Variants in NKAIN2 observed in about 807,000 individuals in gnomAD.
NKAIN2 encodes the protein sodium/potassium-transporting ATPase subunit beta-1-interacting protein 2.
In NKAIN2, 14 loss-of-function variants were observed where a neutral mutation model predicts 32.6. The ratio of observed to expected loss-of-function variants is 0.43; its 90% CI spans 0.28 to 0.67. NKAIN2 has a LOEUF of 0.67. NKAIN2 is among the 30% of genes least tolerant of loss of function. The pLI, the probability that NKAIN2 is intolerant of heterozygous loss-of-function variation, is 0.17. For missense variants in NKAIN2, 198 were observed against 258.3 expected (o/e 0.77, Z 1.60); for synonymous variants, 80 against 87.2 (o/e 0.92, Z 0.46).
chr6:124,127,719 G>GT (rs1473779269), intron 1 of NKAIN2, among the ~76,000 whole-genome samples: 1 of 152,176 alleles, frequency 6.6e-6, no homozygotes, highest in African/African-American at 2.4e-5. Flanking sequence ...GGCTGTCCCT[G>GT]TGAGCAGGCT....
chr6:124,126,736 C>T (rs1394572065), intron 1 of NKAIN2, among the ~76,000 whole-genome samples: 1 of 152,150 alleles, frequency 6.6e-6, no homozygotes, highest in Admixed American at 6.5e-5. Context: ...AGTGACATGG[C>T]AACATGGTGA....
At chr6:124,682,436 G>A (rs931475975) in intron 4 of NKAIN2, among the ~76,000 whole-genome samples, 9 of 152,128 alleles carry the variant, frequency 5.9e-5, no homozygotes, top group Non-Finnish European at 7.4e-5. Flanking sequence ...GTTTGAGTAG[G>A]AGCATAAGAT....
intron 3 of NKAIN2, among the ~76,000 whole-genome samples, chr6:124,517,198 G>A (rs1222124235): frequency 6.6e-6 from 1 of 152,152 alleles, no homozygotes; most frequent in Non-Finnish European, 1.5e-5. Context: ...TATTGGTCAT[G>A]AGCGTATATG....
At chr6:124,023,042 A>ATATATG (rs1554241371) in intron 1 of NKAIN2, among the ~76,000 whole-genome samples, 97 of 151,444 alleles carry the variant, frequency 6.4e-4, no homozygotes, top group African/African-American at 2.3e-3. Flanking sequence ...TTATATATAT[A>ATATATG]TATGTATGTA....
intron 1 of NKAIN2, among the ~76,000 whole-genome samples, chr6:123,867,964 G>T (rs1161606550): frequency 6.6e-6 from 1 of 151,352 alleles, no homozygotes; most frequent in East Asian, 1.9e-4. Flanking sequence ...TGCCTCCCAG[G>T]TTCATGCCAT....
intron 1 of NKAIN2, among the ~76,000 whole-genome samples, chr6:124,210,614 T>C (rs1002169661): frequency 6.6e-6 from 1 of 151,908 alleles, no homozygotes; most frequent in Non-Finnish European, 1.5e-5. Flanking sequence ...ATCAATATTT[T>C]ACAGTTTTCA....
intron 3 of NKAIN2, among the ~76,000 whole-genome samples, chr6:124,599,342 G>C (rs948730753): frequency 6.6e-6 from 1 of 152,006 alleles, no homozygotes; most frequent in South Asian, 2.1e-4. Flanking sequence ...GAGATCCTCT[G>C]TTTAAAAAAA....
At chr6:124,615,227 A>G (rs1782841761) in intron 3 of NKAIN2, among the ~76,000 whole-genome samples, 2 of 152,178 alleles carry the variant, frequency 1.3e-5, no homozygotes, top group Non-Finnish European at 2.9e-5. Context: ...TACCATGTGT[A>G]TTTTAGTTAC....
At chr6:124,172,541 T>A (rs995807879) in intron 1 of NKAIN2, among the ~76,000 whole-genome samples, 5 of 152,220 alleles carry the variant, frequency 3.3e-5, no homozygotes, top group African/African-American at 1.2e-4. Flanking sequence ...ACTGCAATGA[T>A]ATCAGATTTT....
At chr6:124,556,493 A>G (rs529490549) in intron 3 of NKAIN2, among the ~76,000 whole-genome samples, 66 of 152,264 alleles carry the variant, frequency 4.3e-4, no homozygotes, top group African/African-American at 1.6e-3. Context: ...TAAAAGGATA[A>G]GTTCAGCCCT....
At chr6:124,725,641 C>T (rs1209807090) in intron 4 of NKAIN2, among the ~76,000 whole-genome samples, 1 of 152,134 alleles carries the variant, frequency 6.6e-6, no homozygotes, top group African/African-American at 2.4e-5. Context: ...GCTGAAAGGG[C>T]AATCAGTTGT....
chr6:124,045,692 T>A (rs1359275419), intron 1 of NKAIN2, among the ~76,000 whole-genome samples: 1 of 152,008 alleles, frequency 6.6e-6, no homozygotes, highest in Non-Finnish European at 1.5e-5. Context: ...AGACGGTGAT[T>A]ATGTGTTTCA....
intron 2 of NKAIN2, among the ~76,000 whole-genome samples, chr6:124,323,919 C>T (rs1797309887): frequency 6.6e-6 from 1 of 151,852 alleles, no homozygotes; most frequent in East Asian, 1.9e-4. Flanking sequence ...TCCCGAGGAG[C>T]TGGGACTACA....
intron 1 of NKAIN2, among the ~76,000 whole-genome samples, chr6:124,133,098 A>G (rs995812743): frequency 1.3e-5 from 2 of 152,194 alleles, no homozygotes; most frequent in African/African-American, 4.8e-5. Flanking sequence ...GCCTTGGAGA[A>G]GGGGTACTTA....
chr6:123,957,478 T>G (rs1029432376), intron 1 of NKAIN2, among the ~76,000 whole-genome samples: 1 of 152,222 alleles, frequency 6.6e-6, no homozygotes, highest in Non-Finnish European at 1.5e-5. Context: ...GTCTAGATTT[T>G]TCAATATATA....
Position 124,442,177 on chromosome 6 carries a change from T to C in NKAIN2, c.273+86830T>C, listed in dbSNP as rs9491179. On this transcript the variant is annotated intron_variant, in intron 3 of 6. Transcript: ENST00000368417. ...GATCCATAATCAACCAGCTAAGCCC[T>C]TTGCCACTGTCTGTGAGTCAGTCTA... Among the ~76,000 whole-genome samples, 1,465 of 152,142 alleles carry C rather than the reference T, an allele frequency of 9.6e-3. 22 individuals carry two copies. The highest frequency in any genetic ancestry group is 0.033 in the African/African-American group (1,373 of 41,542).
At chr6:124,523,745 G>A (rs186086812) in intron 3 of NKAIN2, among the ~76,000 whole-genome samples, 5 of 152,218 alleles carry the variant, frequency 3.3e-5, no homozygotes, top group East Asian at 1.9e-4. Flanking sequence ...TAAAGGAGAG[G>A]AGGAGAAGGA....
At chr6:124,500,425 G>A (rs1026387499) in intron 3 of NKAIN2, among the ~76,000 whole-genome samples, 2 of 152,032 alleles carry the variant, frequency 1.3e-5, no homozygotes, top group Non-Finnish European at 2.9e-5. Flanking sequence ...GAGGCTGGTG[G>A]ATCACTTGAA....
chr6:124,668,321 T>C (rs1772913703), intron 4 of NKAIN2, among the ~76,000 whole-genome samples: 1 of 152,152 alleles, frequency 6.6e-6, no homozygotes, highest in Non-Finnish European at 1.5e-5. Flanking sequence ...TGAGTTTCTT[T>C]ATCTCCTCTT....
Sources: allele counts gnomAD v4.1 joint callset (sites outside exome capture counted in the v4.1 genomes callset), GRCh38; gene constraint gnomAD v4.1.1; transcripts MANE v1.5; gene names NCBI Gene and HGNC (gene_info 2026-07-23, HGNC 2026-07-21).